LIX1: variants seen among roughly 807,000 people sequenced by gnomAD.
LIX1 encodes protein limb expression 1 homolog.
A neutral mutation model predicts 33.4 loss-of-function variants in LIX1; 24 were observed. The ratio of observed to expected loss-of-function variants is 0.72; its 90% CI spans 0.52 to 1.01. The LOEUF (loss-of-function observed/expected upper bound fraction) is 1.01, where lower values mean the gene tolerates loss of function less well. Ranked by LOEUF, LIX1 falls within the 50% of genes least tolerant of loss-of-function variation. LIX1 has a pLI of 0.00. For synonymous variants in LIX1, 124 were observed against 124.0 expected (o/e 1.00, Z 0.00); for missense variants, 311 against 339.2 (o/e 0.92, Z 0.65).
intron 1 of LIX1, among the ~76,000 whole-genome samples, chr5:97,126,468 G>C (rs534088158): frequency 6.6e-6 from 1 of 152,114 alleles, no homozygotes; most frequent in African/African-American, 2.4e-5. Context: ...AAAAACTGCA[G>C]TGTTTAGTAA....
intron 4 of LIX1, among the ~76,000 whole-genome samples, chr5:97,104,195 A>G (rs539956145): frequency 1.3e-5 from 2 of 152,318 alleles, no homozygotes; most frequent in South Asian, 4.1e-4. Context: ...TCAGCTCACC[A>G]TTGTAAATTA....
intron 2 of LIX1, among the ~76,000 whole-genome samples, chr5:97,110,884 C>T (rs1277898916): frequency 6.6e-6 from 1 of 152,076 alleles, no homozygotes; most frequent in Non-Finnish European, 1.5e-5. Context: ...ACAGCAAGGC[C>T]ATTCAAGGTT....
chr5:97,096,838 G>C lies in LIX1; in HGVS notation c.533C>G (p.Ala178Gly). Residue 178 changes from alanine to glycine, a missense_variant, in exon 5 of 6, where the codon GCC becomes GGC. Ala to Gly is a moderately conservative substitution (Grantham distance 60, BLOSUM62 0). Transcript: ENST00000274382. Reference sequence around the variant, plus strand: ...TCGGGAACACTTTGTTTCACGAAGGGCTTTTAGGCTTCCATTCCAGTGCAA... The same window carrying C: ...TCGGGAACACTTTGTTTCACGAAGGCCTTTTAGGCTTCCATTCCAGTGCAA... ...QLLHWNGSLK[A>G]LRETKCSRQE... 6.2e-7 allele frequency: 1 copy of C among 1,613,938 alleles called. No homozygotes were observed. Among genetic ancestry groups the C allele is most frequent in the Non-Finnish European group, 8.5e-7 (1 of 1,179,838 alleles).
intron 1 of LIX1, among the ~76,000 whole-genome samples, chr5:97,139,690 A>G (rs1748244254): frequency 1.3e-5 from 2 of 152,334 alleles, no homozygotes; most frequent in Middle Eastern, 3.4e-3. Flanking sequence ...TGCAGGGGAG[A>G]ACAGTCCAGT....
chr5:97,126,006 G>T (rs890932686), intron 1 of LIX1, among the ~76,000 whole-genome samples: 2 of 152,178 alleles, frequency 1.3e-5, no homozygotes, highest in African/African-American at 2.4e-5. Flanking sequence ...TGAGCTCCTG[G>T]TTTCAGCTAT....
chr5:97,131,709 T>C (rs1300304047), intron 1 of LIX1, among the ~76,000 whole-genome samples: 2 of 152,180 alleles, frequency 1.3e-5, no homozygotes, highest in Non-Finnish European at 2.9e-5. Flanking sequence ...TTGAATTCAT[T>C]TGGAATCTAA....
chr5:97,125,554 G>A (rs566019035), intron 1 of LIX1, among the ~76,000 whole-genome samples: 1 of 152,320 alleles, frequency 6.6e-6, no homozygotes, highest in African/African-American at 2.4e-5. Flanking sequence ...TAATGGTTCT[G>A]TGAAAAGGTC....
intron 3 of LIX1, 23 bp from the exon 4 acceptor site, chr5:97,105,308 G>T: frequency 6.3e-7 from 1 of 1,586,426 alleles, no homozygotes; most frequent in Non-Finnish European, 8.7e-7. Context: ...AGCAGAAAAA[G>T]AAAAATTACT....
At chr5:97,120,470 C>A (rs1445688475) in intron 2 of LIX1, among the ~76,000 whole-genome samples, 1 of 152,074 alleles carries the variant, frequency 6.6e-6, no homozygotes, top group Non-Finnish European at 1.5e-5. Context: ...AAACATTAAG[C>A]CTAGTAGAGA....
At chr5:97,126,935 C>G (rs762531814) in intron 1 of LIX1, among the ~76,000 whole-genome samples, 1 of 151,998 alleles carries the variant, frequency 6.6e-6, no homozygotes, top group African/African-American at 2.4e-5. Flanking sequence ...ACCGTGCCCA[C>G]CCTGAAATAA....
At chr5:97,107,552 T>A in intron 2 of LIX1, 52 bp from the exon 3 acceptor site, 2 of 1,586,318 alleles carry the variant, frequency 1.3e-6, no homozygotes, top group Non-Finnish European at 1.7e-6. Context: ...CATTTCACCA[T>A]TCCACTCCTG....
rs949601471 is a variant in LIX1 at position 97,093,833 on chromosome 5, C to T, written c.*915G>A. On this transcript the variant is annotated 3_prime_UTR_variant, in exon 6 of 6. Coordinates refer to ENST00000274382, the MANE Select transcript of LIX1 (RefSeq NM_153234.5). The stretch of plus-strand genomic sequence containing the variant: ...AGCTAAAGGGTCCTTCTCTCAAATG[C>T]TGGTGAAACTAATCAAATGCAAGCA... The T allele has an allele frequency of 1.1e-4, 16 of 152,246 alleles. 1 individual carries two copies. Among genetic ancestry groups the T allele is most frequent in the Admixed American group, 7.9e-4 (12 of 15,276 alleles). 9.4% of individuals were successfully genotyped at this position (152,246 alleles called of 1,614,324 possible). A position where few individuals can be genotyped will look rare whatever the true frequency, so the allele number is the denominator to read the frequency against.
intron 1 of LIX1, among the ~76,000 whole-genome samples, chr5:97,125,062 T>G (rs909742878): frequency 3.9e-5 from 6 of 152,276 alleles, no homozygotes; most frequent in African/African-American, 1.4e-4. Flanking sequence ...TCTCATAGAT[T>G]CTTAAGCCTG....
chr5:97,092,438 GGCTATA>G lies in LIX1; in HGVS notation c.*2304_*2309del, dbSNP rs1746122701. ...TTGCTCTTCAACCCTCTTTTCTCTA[GGCTATA>G]GTTAAAGATGTTTATATGATAGACT... On this transcript the variant is annotated 3_prime_UTR_variant, in exon 6 of 6. Transcript: ENST00000274382. 6.6e-6 allele frequency: 1 copy of G among 152,314 alleles called. No homozygotes were observed. Among genetic ancestry groups the G allele is most frequent in the African/African-American group, 2.4e-5 (1 of 41,448 alleles). The allele number at this position is 152,314 out of a possible 1,614,324, so 9.4% of individuals were successfully genotyped here.
intron 2 of LIX1, among the ~76,000 whole-genome samples, chr5:97,123,528 T>A (rs1747835567): frequency 6.6e-6 from 1 of 152,222 alleles, no homozygotes; most frequent in South Asian, 2.1e-4. Flanking sequence ...GCAGCTTGTC[T>A]CCATGGGCAC....
At chr5:97,136,857 T>C (rs1748183828) in intron 1 of LIX1, among the ~76,000 whole-genome samples, 6 of 149,096 alleles carry the variant, frequency 4.0e-5, no homozygotes, top group Admixed American at 3.3e-4. Flanking sequence ...AATAGGATTC[T>C]TTTTTTTTTC....
chr5:97,100,249 C>G (rs1034153326), intron 4 of LIX1, among the ~76,000 whole-genome samples: 2 of 152,194 alleles, frequency 1.3e-5, no homozygotes, highest in Admixed American at 6.5e-5. Flanking sequence ...AAAAATGTCC[C>G]CAAAGAGACT....
chr5:97,135,681 C>T (rs1748155749), intron 1 of LIX1, among the ~76,000 whole-genome samples: 1 of 151,882 alleles, frequency 6.6e-6, no homozygotes, highest in Non-Finnish European at 1.5e-5. Flanking sequence ...TAGCTAGGTG[C>T]AGTAGTGGGC....
chr5:97,122,175 GCAACACCT>G (rs2112786097), intron 2 of LIX1, among the ~76,000 whole-genome samples: 1 of 152,294 alleles, frequency 6.6e-6, no homozygotes, highest in African/African-American at 2.4e-5. Context: ...AGTGGGGAAG[GCAACACCT>G]CACTGGCTGG....
Sources: allele counts gnomAD v4.1 joint callset (sites outside exome capture counted in the v4.1 genomes callset), GRCh38; gene constraint gnomAD v4.1.1; transcripts MANE v1.5; gene names NCBI Gene and HGNC (gene_info 2026-07-23, HGNC 2026-07-21).